Variants in ZNF799 observed in about 807,000 individuals in gnomAD.
ZNF799 encodes the protein zinc finger protein 799.
Under a neutral mutation model 41.0 loss-of-function variants are expected in ZNF799, and 28 were observed. That is an observed-to-expected ratio of 0.68 (90% CI 0.51 to 0.94). ZNF799 has a LOEUF of 0.94. ZNF799 is among the 40% of genes least tolerant of loss of function. The pLI is 0.00. For missense variants in ZNF799, 716 were observed against 764.3 expected (o/e 0.94, Z 0.74); for synonymous variants, 213 against 252.9 (o/e 0.84, Z 1.50).
At chr19:12,412,047 A>G in the ZNF799 span, among the ~76,000 whole-genome samples, 1 of 152,032 alleles carries the variant, frequency 6.6e-6, no homozygotes, top group Non-Finnish European at 1.5e-5. Context: ...TTACGTAACC[A>G]TCTTTCTGTC....
intron 2 of ZNF799, among the ~76,000 whole-genome samples, chr19:12,392,883 C>T (rs1969845339): frequency 6.6e-6 from 1 of 152,178 alleles, no homozygotes; most frequent in Non-Finnish European, 1.5e-5. Context: ...AGCCCCTCCT[C>T]TTACTCAGCC....
At position 12,390,457 on chromosome 19, in the gene ZNF799, G is replaced by C; in HGVS notation, c.*9C>G. 1 of 1,611,982 alleles carries C rather than the reference G, an allele frequency of 6.2e-7. No homozygotes were observed. Among genetic ancestry groups the C allele is most frequent in the Non-Finnish European group, 8.5e-7 (1 of 1,179,318 alleles). ...TGCTTTCCCACATTCCATACATTTA[G>C]AGAGAATGCTAGTGAGTCTTTTTAT... On this transcript the variant is annotated 3_prime_UTR_variant, in exon 4 of 4. Coordinates refer to ENST00000430385, the MANE Select transcript of ZNF799 (RefSeq NM_001080821.3).
At chr19:12,393,898 G>T (rs1431287259) in intron 1 of ZNF799, 2 of 265,884 alleles carry the variant, frequency 7.5e-6, no homozygotes, top group Non-Finnish European at 1.2e-5. Context: ...GGTGGAGTGT[G>T]CCTAAATTGT....
At chr19:12,410,549 G>A in the ZNF799 span, among the ~76,000 whole-genome samples, 22 of 152,064 alleles carry the variant, frequency 1.4e-4, no homozygotes, top group Non-Finnish European at 2.8e-4. Flanking sequence ...AGAAACTAAA[G>A]TTCCATTTTG....
At chr19:12,403,637 C>T (rs1970012661), upstream of ZNF799, among the ~76,000 whole-genome samples, 1 of 152,062 alleles carries the variant, frequency 6.6e-6, no homozygotes, top group African/African-American at 2.4e-5. Flanking sequence ...ACTGCCACCT[C>T]TGCCTCCTGG....
chr19:12,400,044 T>C (rs975094081), intron 1 of ZNF799, among the ~76,000 whole-genome samples: 11 of 152,182 alleles, frequency 7.2e-5, no homozygotes, highest in Non-Finnish European at 1.5e-4. Flanking sequence ...AAACAGTTCA[T>C]ACCGTTGCTG....
At chr19:12,411,675 C>T in the ZNF799 span, among the ~76,000 whole-genome samples, 9 of 151,894 alleles carry the variant, frequency 5.9e-5, no homozygotes, top group Non-Finnish European at 8.8e-5. Context: ...TGCAGTGGCT[C>T]GATCTCAGCT....
At chr19:12,400,652 C>T (rs1397819464) in intron 1 of ZNF799, 2 of 333,864 alleles carry the variant, frequency 6.0e-6, no homozygotes, top group East Asian at 1.4e-4. Context: ...GACCCTACAC[C>T]CAGCCGCCCC....
At chr19:12,409,470 T>A in the ZNF799 span, among the ~76,000 whole-genome samples, 1 of 152,298 alleles carries the variant, frequency 6.6e-6, no homozygotes, top group Non-Finnish European at 1.5e-5. Context: ...ACAATTCCCC[T>A]CTATCAATAA....
rs1437322742 is a variant in ZNF799, at chr19:12,390,525, C to T, written c.1873G>A (p.Glu625Lys). The T allele has an allele frequency of 6.2e-7, 1 of 1,613,580 alleles. No individual in the cohort carries two copies. ...AGAGAAGCAAATGCTTTCCCACATT[C>T]CTTACATCCATACGGGTTCTCTCCA... Reference protein sequence around the residue: ...HTGENPYGCKECGKAFASLSS... With the variant: ...HTGENPYGCKKCGKAFASLSS... Residue 625 changes from glutamate to lysine, a missense_variant, in exon 4 of 4, where the codon GAA (glutamate) becomes AAA (lysine). Glu to Lys is a moderately conservative substitution (Grantham distance 56). Around this residue, in one of 2 missense-constraint regions of ZNF799, gnomAD observed 698 missense variants for 713.6 expected, o/e 0.98. Transcript: ENST00000430385.
rs142064781 is a variant in ZNF799, at chr19:12,397,816, C to G, written c.3+3252G>C. ...CAATAAAAGAAGACAAGGACTGACA[C>G]AGTAGAAAAAAAACAAGATCCACCA... On this transcript the variant is annotated intron_variant, in intron 1 of 3. Transcript: ENST00000430385. Among the ~76,000 whole-genome samples, 94 of 152,050 alleles carry G rather than the reference C, an allele frequency of 6.2e-4. 2 individuals carry two copies. Among genetic ancestry groups the G allele is most frequent in the African/African-American group, 2.1e-3 (87 of 41,496 alleles).
Position 12,391,226 on chromosome 19 carries a change from C to G in ZNF799, c.1172G>C (p.Gly391Ala). 1 of 1,614,128 alleles carries G rather than the reference C, an allele frequency of 6.2e-7. No individual in the cohort carries two copies. The highest frequency in any genetic ancestry group is 1.1e-5 in the South Asian group (1 of 91,076). ...CCCACATATCTTGCATTTGTGAGGTCCATCTCCAGTGTGCATTGTCATGTG... is the reference window on the plus strand; with the variant it reads ...CCCACATATCTTGCATTTGTGAGGTGCATCTCCAGTGTGCATTGTCATGTG... ...RRHMTMHTGDGPHKCKICGKA... is the reference protein window; with the variant it reads ...RRHMTMHTGDAPHKCKICGKA... Residue 391 changes from glycine (G) to alanine (A), a missense_variant, in exon 4 of 4, where the codon GGA (glycine) becomes GCA (alanine). This residue lies in a region of ZNF799 where 698 missense variants were observed against 713.6 expected (regional missense o/e 0.98). Transcript: ENST00000430385.
chr19:12,404,204 G>A (rs1024827369), upstream of ZNF799, among the ~76,000 whole-genome samples: 6 of 152,066 alleles, frequency 3.9e-5, no homozygotes, highest in African/African-American at 1.4e-4. Flanking sequence ...ATGTGCTCGG[G>A]AAAAATATGT....
At chr19:12,397,663 A>C (rs1335714944) in intron 1 of ZNF799, among the ~76,000 whole-genome samples, 1 of 152,026 alleles carries the variant, frequency 6.6e-6, no homozygotes, top group Admixed American at 6.5e-5. Context: ...CCTCAGTTAA[A>C]ATAAAAGGAG....
At chr19:12,406,689 A>T in the ZNF799 span, among the ~76,000 whole-genome samples, 1 of 152,156 alleles carries the variant, frequency 6.6e-6, no homozygotes, top group Non-Finnish European at 1.5e-5. Context: ...TCACGAGGTC[A>T]GGAGATCGAG....
At chr19:12,397,988 T>C (rs1162951859) in intron 1 of ZNF799, 1 of 152,220 alleles carries the variant, frequency 6.6e-6, no homozygotes, top group African/African-American at 2.4e-5. Flanking sequence ...TGGTGGCTCA[T>C]GCCTATAATC....
intron 1 of ZNF799, chr19:12,400,789 T>C (rs1969968068): frequency 1.9e-5 from 11 of 584,816 alleles, no homozygotes; most frequent in African/African-American, 3.9e-5. Flanking sequence ...CTGTGTTGCT[T>C]ACAGCCGCAC....
chr19:12,412,303 G>A, the ZNF799 span, among the ~76,000 whole-genome samples: 2 of 151,912 alleles, frequency 1.3e-5, no homozygotes, highest in African/African-American at 4.8e-5. Context: ...GCACATACTG[G>A]TCAAGTGTCC....
At chr19:12,410,254 CATATAT>C in the ZNF799 span, among the ~76,000 whole-genome samples, 7,523 of 60,400 alleles carry the variant, frequency 0.12, 329 homozygotes, top group Non-Finnish European at 0.15. Context: ...TGTCTGTGTG[CATATAT>C]ATATATATAT....
Sources: allele counts gnomAD v4.1 joint callset (sites outside exome capture counted in the v4.1 genomes callset), GRCh38; gene constraint gnomAD v4.1.1; regional missense constraint gnomAD v4.1.1; transcripts MANE v1.5; gene names NCBI Gene and HGNC (gene_info 2026-07-23, HGNC 2026-07-21).